KIAA1217: variants seen among roughly 807,000 people sequenced by gnomAD.
KIAA1217 encodes sickle tail protein homolog.
A neutral mutation model predicts 163.9 loss-of-function variants in KIAA1217; 88 were observed. That is an observed-to-expected ratio of 0.54 (90% CI 0.45 to 0.64). The LOEUF (loss-of-function observed/expected upper bound fraction) is 0.64. KIAA1217 is among the 30% of genes least tolerant of loss of function. The pLI is 0.00. For synonymous variants in KIAA1217, 903 were observed against 923.1 expected (o/e 0.98, Z 0.39); for missense variants, 2,372 against 2,475.0 (o/e 0.96, Z 0.88).
chr10:24,009,569 T>G (rs1280593118), intron 2 of KIAA1217, among the ~76,000 whole-genome samples: 2 of 152,180 alleles, frequency 1.3e-5, no homozygotes, highest in East Asian at 1.9e-4. Flanking sequence ...GCATGTCACA[T>G]GCTGTGCAGT....
chr10:23,734,841 T>TG (rs35693383), intron 1 of KIAA1217, among the ~76,000 whole-genome samples: 33,095 of 151,766 alleles, frequency 0.22, 3,843 homozygotes, highest in African/African-American at 0.28. Context: ...GGGGCATATA[T>TG]CAGGCTCGTT....
chr10:24,168,060 T>A (rs1006279475), intron 2 of KIAA1217, among the ~76,000 whole-genome samples: 1 of 152,292 alleles, frequency 6.6e-6, no homozygotes, highest in East Asian at 1.9e-4. Context: ...ATATGAACCA[T>A]GACCTCTGTT....
At chr10:23,846,489 A>G (rs1210291328) in intron 1 of KIAA1217, among the ~76,000 whole-genome samples, 5 of 151,784 alleles carry the variant, frequency 3.3e-5, no homozygotes, top group African/African-American at 1.2e-4. Flanking sequence ...TTCTCTTTGT[A>G]GTAATTGTGA....
chr10:24,047,590 T>C (rs1212865371), intron 2 of KIAA1217, among the ~76,000 whole-genome samples: 1 of 152,228 alleles, frequency 6.6e-6, no homozygotes, highest in Non-Finnish European at 1.5e-5. Flanking sequence ...GCAAATACTA[T>C]GCATGTACCC....
intron 9 of KIAA1217, among the ~76,000 whole-genome samples, chr10:24,511,152 C>CAAAAAAAAAA (rs58529942): frequency 0.57 from 19,330 of 34,062 alleles, 5,526 homozygotes; most frequent in Non-Finnish European, 0.63. Context: ...GACTCTGTCT[C>CAAAAAAAAAA]AAAAAAAAAA....
rs1480342386 is a variant in KIAA1217, at chr10:23,862,517, A to C, written c.-320-144708A>C. Among the ~76,000 whole-genome samples, 19 of 152,262 alleles carry C rather than the reference A, an allele frequency of 1.2e-4. No individual in the cohort carries two copies. The East Asian group carries it at 3.5e-3, about 28-fold the overall frequency. On this transcript the variant is annotated intron_variant, in intron 1 of 18. Coordinates refer to the KIAA1217 transcript ENST00000376462. ...CTTTTATCTCTCTCTTTGGAGCCGA[A>C]TGTCTCTCAGGAGTTATATTTTCAG...
chr10:24,362,739 G>A (rs1009712977), intron 2 of KIAA1217, among the ~76,000 whole-genome samples: 3 of 152,102 alleles, frequency 2.0e-5, no homozygotes, highest in Non-Finnish European at 2.9e-5. Flanking sequence ...GGTGGCTCAC[G>A]CCTATAATCC....
chr10:23,868,404 T>C, intron 1 of KIAA1217, among the ~76,000 whole-genome samples: 1 of 152,146 alleles, frequency 6.6e-6, no homozygotes, highest in East Asian at 1.9e-4. Flanking sequence ...AGTGCTTGCA[T>C]TGTGCCCAGG....
At chr10:24,289,081 C>T (rs1016016245) in intron 2 of KIAA1217, among the ~76,000 whole-genome samples, 1 of 152,144 alleles carries the variant, frequency 6.6e-6, no homozygotes, top group African/African-American at 2.4e-5. Flanking sequence ...CTTAACCTGC[C>T]TCATCCTATG....
chr10:23,750,544 T>G (rs577609669), intron 1 of KIAA1217, among the ~76,000 whole-genome samples: 2 of 152,296 alleles, frequency 1.3e-5, no homozygotes, highest in African/African-American at 4.8e-5. Flanking sequence ...GCACAGTCCT[T>G]TCTTTCACTG....
intron 2 of KIAA1217, among the ~76,000 whole-genome samples, chr10:24,055,435 A>G (rs1329110253): frequency 6.6e-6 from 1 of 152,182 alleles, no homozygotes; most frequent in African/African-American, 2.4e-5. Context: ...AGTATCCACA[A>G]ATATTTCTCA....
chr10:23,819,492 C>T (rs1477215723), intron 1 of KIAA1217, among the ~76,000 whole-genome samples: 1 of 152,146 alleles, frequency 6.6e-6, no homozygotes, highest in Non-Finnish European at 1.5e-5. Context: ...CTTTGGCCCC[C>T]CTGCTGCTGG....
At chr10:24,350,080 G>A (rs896389072) in intron 2 of KIAA1217, among the ~76,000 whole-genome samples, 3 of 152,154 alleles carry the variant, frequency 2.0e-5, no homozygotes, top group Admixed American at 2.0e-4. Flanking sequence ...GGTATAAATT[G>A]CTTTTGTTTT....
At chr10:23,876,449 A>C (rs1343548494) in intron 1 of KIAA1217, among the ~76,000 whole-genome samples, 1 of 151,878 alleles carries the variant, frequency 6.6e-6, no homozygotes, top group Non-Finnish European at 1.5e-5. Context: ...ATACCCATGT[A>C]ACAAAGCGGC....
intron 1 of KIAA1217, among the ~76,000 whole-genome samples, chr10:23,875,110 C>G (rs979747257): frequency 1.3e-5 from 2 of 151,992 alleles, no homozygotes; most frequent in African/African-American, 4.8e-5. Context: ...AGGAGGGCAC[C>G]AAGCCATTGA....
At chr10:24,456,783 A>G (rs957732207) in intron 5 of KIAA1217, among the ~76,000 whole-genome samples, 5 of 150,814 alleles carry the variant, frequency 3.3e-5, no homozygotes, top group African/African-American at 1.2e-4. Flanking sequence ...GCTCACTGCA[A>G]CCTCCGCCTC....
At chr10:24,460,891 G>A (rs1417682189) in intron 5 of KIAA1217, among the ~76,000 whole-genome samples, 1 of 152,168 alleles carries the variant, frequency 6.6e-6, no homozygotes, top group Non-Finnish European at 1.5e-5. Flanking sequence ...ACATGAGACA[G>A]GCCTGAAGGG....
At chr10:24,433,466 A>G (rs953706328) in intron 4 of KIAA1217, among the ~76,000 whole-genome samples, 3 of 152,138 alleles carry the variant, frequency 2.0e-5, no homozygotes, top group Non-Finnish European at 4.4e-5. Flanking sequence ...TGATTTCACT[A>G]TCTGGTTTTC....
chr10:23,792,866 A>G (rs12268561), intron 1 of KIAA1217, among the ~76,000 whole-genome samples: 3,085 of 151,130 alleles, frequency 0.02, 105 homozygotes, highest in African/African-American at 0.067. Flanking sequence ...CCTTATAACT[A>G]CTCCATTCTA....
Sources: gnomAD v4.1 joint callset for allele counts (sites outside exome capture counted in the v4.1 genomes callset) on GRCh38, gnomAD v4.1.1 for gene constraint, MANE v1.5 for transcripts, NCBI Gene and HGNC (gene_info 2026-07-23, HGNC 2026-07-21) for gene names.